DCBLD2: variants seen among roughly 807,000 people sequenced by gnomAD.
DCBLD2 encodes discoidin, CUB and LCCL domain-containing protein 2.
A neutral mutation model predicts 86.8 loss-of-function variants in DCBLD2; 54 were observed. That is an observed-to-expected ratio of 0.62 (90% CI 0.50 to 0.78). The LOEUF is 0.78. DCBLD2 is among the 30% of genes least tolerant of loss of function. DCBLD2 has a pLI of 0.00. For missense variants in DCBLD2, 908 were observed against 954.2 expected, an observed-to-expected ratio of 0.95 and a Z score of 0.64; for synonymous variants, 354 against 341.3, an observed-to-expected ratio of 1.04 and a Z score of -0.41.
At chr3:98,802,166 C>T (rs1279609442) in intron 13 of DCBLD2, among the ~76,000 whole-genome samples, 1 of 152,200 alleles carries the variant, frequency 6.6e-6, no homozygotes, top group Non-Finnish European at 1.5e-5. Context: ...GGTTACAGTC[C>T]TACCAACAGT....
intron 3 of DCBLD2, among the ~76,000 whole-genome samples, chr3:98,847,372 CT>C (rs961733923): frequency 6.6e-6 from 1 of 152,202 alleles, no homozygotes; most frequent in Non-Finnish European, 1.5e-5. Context: ...CTAAGTTTTC[CT>C]GGTTCTGTCG....
At position 98,811,518 on chromosome 3, in the gene DCBLD2, C is replaced by T. The variant is rs762269155; in HGVS notation, c.1400G>A (p.Arg467Gln). ...AGTGTTTTTGAGGTCATTGCTGTTC[C>T]GAGGAGGTGGAGGTTGAGTAAGTTT... ...PPKLTQPPPP[R>Q]NSNDLKNTTA... Residue 467 changes from arginine (R) to glutamine (Q), a missense_variant, in exon 11 of 16, where the codon CGG becomes CAG. Coordinates refer to ENST00000326840, the MANE Select transcript of DCBLD2 (RefSeq NM_080927.4). The T allele has an allele frequency of 6.4e-5, 102 of 1,604,758 alleles. No individual in the cohort carries two copies. The highest frequency in any genetic ancestry group is 7.7e-5 in the Non-Finnish European group (90 of 1,176,182).
chr3:98,881,330 G>C (rs906042576), intron 2 of DCBLD2, among the ~76,000 whole-genome samples: 2 of 151,274 alleles, frequency 1.3e-5, no homozygotes, highest in Admixed American at 6.6e-5. Context: ...CTTGGGCAAG[G>C]GTACCAATAT....
At chr3:98,828,093 G>T (rs1942255182) in intron 3 of DCBLD2, among the ~76,000 whole-genome samples, 1 of 152,096 alleles carries the variant, frequency 6.6e-6, no homozygotes, top group African/African-American at 2.4e-5. Flanking sequence ...AAACTCAAGA[G>T]CTGAAACTAT....
chr3:98,827,204 C>T (rs1942239554), intron 3 of DCBLD2, among the ~76,000 whole-genome samples: 1 of 152,136 alleles, frequency 6.6e-6, no homozygotes, highest in Admixed American at 6.5e-5. Context: ...ACCCAGTTGA[C>T]CAACCAGAAG....
chr3:98,804,744 T>C (rs1220496182), intron 13 of DCBLD2, among the ~76,000 whole-genome samples: 1 of 152,240 alleles, frequency 6.6e-6, no homozygotes, highest in Non-Finnish European at 1.5e-5. Context: ...GTATGTTGTG[T>C]CTTTGCTCTC....
intron 2 of DCBLD2, among the ~76,000 whole-genome samples, chr3:98,880,252 T>C (rs796707625): frequency 5.9e-5 from 9 of 152,196 alleles, no homozygotes; most frequent in African/African-American, 2.2e-4. Flanking sequence ...TCACTAGAGA[T>C]GGAGAGGAAG....
intron 3 of DCBLD2, among the ~76,000 whole-genome samples, chr3:98,843,321 A>G (rs1238735417): frequency 6.6e-6 from 1 of 152,216 alleles, no homozygotes; most frequent in Non-Finnish European, 1.5e-5. Context: ...AGAGTTTTAA[A>G]ATGTTTGCCA....
intron 6 of DCBLD2, 94 bp downstream of exon 6, chr3:98,822,134 T>C: frequency 1.4e-6 from 2 of 1,401,348 alleles, no homozygotes; most frequent in Non-Finnish European, 2.0e-6. Flanking sequence ...CCATTAACAG[T>C]GATACTGCTG....
At chr3:98,900,031 C>T (rs1223956275) in intron 1 of DCBLD2, among the ~76,000 whole-genome samples, 1 of 152,158 alleles carries the variant, frequency 6.6e-6, no homozygotes, top group Non-Finnish European at 1.5e-5. Context: ...TTTTGAGTTA[C>T]TCTATATAGA....
chr3:98,867,806 T>C (rs9682890), intron 2 of DCBLD2, among the ~76,000 whole-genome samples: 3 of 149,606 alleles, frequency 2.0e-5, no homozygotes, highest in Admixed American at 6.6e-5. Context: ...TGTTGTTTTT[T>C]GTTTTTTTTT....
At chr3:98,842,559 G>GA (rs1942640062) in intron 3 of DCBLD2, among the ~76,000 whole-genome samples, 1 of 152,126 alleles carries the variant, frequency 6.6e-6, no homozygotes, top group Non-Finnish European at 1.5e-5. Flanking sequence ...TACTGAGAGT[G>GA]GACACTAAAC....
In DCBLD2 at chr3:98,797,556, TA is replaced by T. The variant is rs1358414486; in HGVS notation, c.*1815del. 1 of 152,466 alleles carries T rather than the reference TA, an allele frequency of 6.6e-6. No homozygotes were observed. The highest frequency in any genetic ancestry group is 1.5e-5 in the Non-Finnish European group (1 of 68,036). The allele number at this position is 152,466 out of a possible 1,614,324, so 9.4% of individuals were successfully genotyped here. A position where few individuals can be genotyped will look rare whatever the true frequency, so the allele number is the denominator to read the frequency against. Reference sequence around the variant, plus strand: ...CTTTCCACATCCATATATGTTTTAATAAAAGTCTACCATCTATGTCTTTTGT... The same window carrying T: ...CTTTCCACATCCATATATGTTTTAATAAAGTCTACCATCTATGTCTTTTGT... On this transcript the variant is annotated 3_prime_UTR_variant, in exon 16 of 16. Coordinates refer to ENST00000326840, the MANE Select transcript of DCBLD2 (RefSeq NM_080927.4).
At chr3:98,886,804 C>A (rs1487163103) in intron 1 of DCBLD2, among the ~76,000 whole-genome samples, 1 of 136,928 alleles carries the variant, frequency 7.3e-6, no homozygotes. Flanking sequence ...AGGAAAACCC[C>A]CCCCCTTTTT....
chr3:98,896,928 T>C (rs1383579299), intron 1 of DCBLD2, among the ~76,000 whole-genome samples: 1 of 152,202 alleles, frequency 6.6e-6, no homozygotes, highest in Non-Finnish European at 1.5e-5. Flanking sequence ...TGTCTACTTG[T>C]ATGCATTCAA....
chr3:98,881,487 C>T (rs1943469048), intron 2 of DCBLD2, 53 bp downstream of exon 2: 1 of 1,482,252 alleles, frequency 6.7e-7, no homozygotes, highest in Non-Finnish European at 9.4e-7. Context: ...CAAAAAAATA[C>T]ATCATTGAGA....
At chr3:98,816,374 T>C (rs1233513172) in intron 9 of DCBLD2, 1 of 152,202 alleles carries the variant, frequency 6.6e-6, no homozygotes, top group East Asian at 1.9e-4. Context: ...TTTTATAGTA[T>C]AAGCCTGAAC....
intron 13 of DCBLD2, among the ~76,000 whole-genome samples, chr3:98,802,285 T>C (rs943552291): frequency 1.3e-5 from 2 of 152,226 alleles, no homozygotes; most frequent in African/African-American, 2.4e-5. Flanking sequence ...GTGGTTTTGA[T>C]TTGCATTTCT....
At chr3:98,898,609 C>G (rs1458347967) in intron 1 of DCBLD2, among the ~76,000 whole-genome samples, 1 of 152,008 alleles carries the variant, frequency 6.6e-6, no homozygotes, top group Non-Finnish European at 1.5e-5. Flanking sequence ...AAAAACTCTA[C>G]CTTGTAGCTG....
Sources: allele counts gnomAD v4.1 joint callset (sites outside exome capture counted in the v4.1 genomes callset), GRCh38; gene constraint gnomAD v4.1.1; transcripts MANE v1.5; gene names NCBI Gene and HGNC (gene_info 2026-07-23, HGNC 2026-07-21).